The following NAV2 variants were observed in gnomAD, a reference collection of about 807,000 sequenced individuals.
The protein encoded by NAV2 is neuron navigator 2.
In NAV2, 54 loss-of-function variants were observed where a neutral mutation model predicts 223.2. The observed-to-expected ratio is 0.24, with a 90% CI of 0.19 to 0.30. The LOEUF (loss-of-function observed/expected upper bound fraction) is 0.30, where lower values mean the gene tolerates loss of function less well. Ranked by LOEUF, NAV2 falls within the 10% of genes least tolerant of loss-of-function variation. The probability of loss-of-function intolerance (pLI) is 1.00; values close to 1 mark genes in which losing one functional copy is unlikely to be tolerated. For missense variants in NAV2, 2,806 were observed against 3,147.5 expected (o/e 0.89, Z 2.60); for synonymous variants, 1,279 against 1,239.3 (o/e 1.03, Z -0.67).
At chr11:19,837,401 C>T (rs537389962) in intron 2 of NAV2, among the ~76,000 whole-genome samples, 2 of 152,198 alleles carry the variant, frequency 1.3e-5, no homozygotes, top group East Asian at 3.9e-4. Flanking sequence ...TGAGGAGGAG[C>T]AGGATTTTCG....
intron 1 of NAV2, among the ~76,000 whole-genome samples, chr11:19,625,237 G>T (rs1319743490): frequency 1.3e-5 from 2 of 151,982 alleles, no homozygotes; most frequent in Non-Finnish European, 2.9e-5. Context: ...ACCCTTCTTA[G>T]TCTCTAGTAT....
intron 1 of NAV2, among the ~76,000 whole-genome samples, chr11:19,447,999 G>T (rs148120477): frequency 1.3e-5 from 2 of 152,290 alleles, no homozygotes; most frequent in Non-Finnish European, 2.9e-5. Flanking sequence ...TTTAGCTTGA[G>T]CTGTTGCCCA....
chr11:19,938,453 G>C (rs542387575), intron 7 of NAV2, among the ~76,000 whole-genome samples: 23 of 152,332 alleles, frequency 1.5e-4, no homozygotes, highest in African/African-American at 4.6e-4. Flanking sequence ...GTGGCGATCT[G>C]CAATAACAAA....
chr11:19,482,536 G>A (rs2042311943), intron 1 of NAV2, among the ~76,000 whole-genome samples: 1 of 152,116 alleles, frequency 6.6e-6, no homozygotes, highest in South Asian at 2.1e-4. Context: ...AAATGGAGAG[G>A]GCATGTTGCT....
At chr11:20,102,246 T>G (rs1592155583) in intron 32 of NAV2, among the ~76,000 whole-genome samples, 1 of 151,920 alleles carries the variant, frequency 6.6e-6, no homozygotes, top group Non-Finnish European at 1.5e-5. Context: ...CTTTAAAAGG[T>G]GGGCTTTTTC....
At chr11:19,516,534 G>C (rs967987711) in intron 1 of NAV2, among the ~76,000 whole-genome samples, 16 of 152,224 alleles carry the variant, frequency 1.1e-4, no homozygotes, top group South Asian at 2.1e-4. Flanking sequence ...TCATCTCTTT[G>C]TTACAAGCAA....
chr11:19,576,965 T>C (rs1227296448), intron 1 of NAV2, among the ~76,000 whole-genome samples: 1 of 152,236 alleles, frequency 6.6e-6, no homozygotes, highest in Admixed American at 6.5e-5. Flanking sequence ...TCTACTCTAA[T>C]TCCTTGTTCA....
intron 3 of NAV2, among the ~76,000 whole-genome samples, chr11:19,852,074 A>G (rs565197420): frequency 1.4e-4 from 22 of 152,364 alleles, no homozygotes; most frequent in African/African-American, 5.0e-4. Context: ...TAGAGCTTCC[A>G]GAATGGATGC....
intron 32 of NAV2, 112 bp from the exon 33 acceptor site, chr11:20,103,143 T>G (rs1381874255): frequency 9.8e-7 from 1 of 1,020,834 alleles, no homozygotes; most frequent in Admixed American, 2.4e-5. Context: ...CGCAGAATCA[T>G]GAAGGGCCTT....
chr11:19,832,659 CG>C, intron 2 of NAV2, 58 bp downstream of exon 2: 5 of 1,359,178 alleles, frequency 3.7e-6, no homozygotes, highest in Non-Finnish European at 5.3e-6. Flanking sequence ...CTCAAAAGGC[CG>C]GGGTGAGGGG....
chr11:19,757,738 G>C (rs2054355786), intron 1 of NAV2, among the ~76,000 whole-genome samples: 1 of 152,196 alleles, frequency 6.6e-6, no homozygotes, highest in Non-Finnish European at 1.5e-5. Flanking sequence ...GCTATACATT[G>C]TTCTGGGTAC....
At chr11:19,569,762 A>G (rs78571194) in intron 1 of NAV2, among the ~76,000 whole-genome samples, 7,473 of 152,248 alleles carry the variant, frequency 0.049, 654 homozygotes, top group African/African-American at 0.17. Flanking sequence ...GGAACTGATT[A>G]CAATGTGATG....
At chr11:19,715,941 T>C (rs2050271852) in intron 1 of NAV2, among the ~76,000 whole-genome samples, 1 of 152,194 alleles carries the variant, frequency 6.6e-6, no homozygotes, top group African/African-American at 2.4e-5. Context: ...TTCTGGGGGC[T>C]CTTCCCTGTG....
chr11:19,915,764 G>C (rs376577089), intron 6 of NAV2, among the ~76,000 whole-genome samples: 5 of 152,184 alleles, frequency 3.3e-5, no homozygotes, highest in African/African-American at 1.2e-4. Flanking sequence ...GGTCCTTCAT[G>C]AGCAGGTTAG....
chr11:19,992,583 C>CTT (rs780559920), intron 11 of NAV2, among the ~76,000 whole-genome samples: 3,466 of 103,422 alleles, frequency 0.034, 180 homozygotes, highest in Non-Finnish European at 0.037. Context: ...TCCTGAAGTA[C>CTT]TTTTTTTTTT....
At chr11:19,882,489 C>T (rs1375112308) in intron 5 of NAV2, among the ~76,000 whole-genome samples, 2 of 152,194 alleles carry the variant, frequency 1.3e-5, no homozygotes, top group Non-Finnish European at 1.5e-5. Context: ...ATTCTACAAA[C>T]TTGGCCACGT....
chr11:19,580,725 A>G (rs1007974750), intron 1 of NAV2, among the ~76,000 whole-genome samples: 4 of 152,130 alleles, frequency 2.6e-5, no homozygotes, highest in African/African-American at 9.7e-5. Flanking sequence ...TTTTGCTATT[A>G]TGGGGAGTAC....
In NAV2 at chr11:19,965,372, C is replaced by T. The variant is rs1165821971; in HGVS notation, c.2645+16292C>T. Among the ~76,000 whole-genome samples the T allele has an allele frequency of 2.0e-5, 3 of 152,162 alleles. No homozygotes were observed. The East Asian group carries it at 5.8e-4, about 29-fold the overall frequency. ...TCTTTCCCCCAAACCTGTTTTTCTT[C>T]TGTGTTTCCACCATCCATTTTTTTT... On this transcript the variant is annotated intron_variant, in intron 10 of 37. Coordinates refer to ENST00000349880, the MANE Select transcript of NAV2 (RefSeq NM_145117.5).
chr11:20,022,758 G>A, intron 11 of NAV2: 1 of 1,115,364 alleles, frequency 9.0e-7, no homozygotes, highest in Non-Finnish European at 1.1e-6. Flanking sequence ...AAACTCCCCT[G>A]GGACCACATG....
Sources: allele counts gnomAD v4.1 joint callset (sites outside exome capture counted in the v4.1 genomes callset), GRCh38; gene constraint gnomAD v4.1.1; transcripts MANE v1.5; gene names NCBI Gene and HGNC (gene_info 2026-07-23, HGNC 2026-07-21).